Variants in CEP112 observed in about 807,000 individuals in gnomAD.
CEP112 encodes centrosomal protein of 112 kDa.
CEP112 carries 127 observed loss-of-function variants against 153.0 expected under a neutral mutation model. The observed-to-expected ratio is 0.83, with a 90% CI of 0.72 to 0.96. The LOEUF (loss-of-function observed/expected upper bound fraction) is 0.96, where lower values mean the gene tolerates loss of function less well. Among genes scored for constraint, CEP112 ranks in the 40% least tolerant of loss-of-function variants. CEP112 has a pLI of 0.00. For synonymous variants in CEP112, 358 were observed against 374.4 expected (o/e 0.96, Z 0.51); for missense variants, 1,089 against 1,101.2 (o/e 0.99, Z 0.16).
At chr17:65,971,307 G>T (rs2062781654) in intron 17 of CEP112, among the ~76,000 whole-genome samples, 1 of 149,608 alleles carries the variant, frequency 6.7e-6, no homozygotes, top group Non-Finnish European at 1.5e-5. Context: ...CACGTTACAT[G>T]TGTTTTACAA....
At chr17:66,147,424 T>C (rs2070966599) in intron 4 of CEP112, among the ~76,000 whole-genome samples, 1 of 152,194 alleles carries the variant, frequency 6.6e-6, no homozygotes, top group African/African-American at 2.4e-5. Context: ...TTTGCAAATA[T>C]ATTCTTCCAT....
intron 16 of CEP112, among the ~76,000 whole-genome samples, chr17:66,014,498 G>A (rs563974421): frequency 1.1e-3 from 175 of 152,248 alleles, no homozygotes; most frequent in African/African-American, 3.2e-3. Flanking sequence ...GGGCATCCCC[G>A]GCCATGCCCC....
At chr17:65,816,335 T>C (rs2056261874) in intron 21 of CEP112, among the ~76,000 whole-genome samples, 1 of 151,960 alleles carries the variant, frequency 6.6e-6, no homozygotes, top group South Asian at 2.1e-4. Flanking sequence ...TGGTGTTTGG[T>C]TACATGAATA....
chr17:65,682,199 G>C (rs2047567175), intron 24 of CEP112, among the ~76,000 whole-genome samples: 1 of 150,728 alleles, frequency 6.6e-6, no homozygotes, highest in South Asian at 2.1e-4. Context: ...TCAACATCTT[G>C]GTCAGGCTGG....
At chr17:66,155,693 T>A (rs981050938) in intron 4 of CEP112, among the ~76,000 whole-genome samples, 7 of 152,164 alleles carry the variant, frequency 4.6e-5, no homozygotes, top group Non-Finnish European at 4.4e-5. Context: ...CGACCTGGGA[T>A]GCTTGAGCTT....
chr17:65,715,654 T>C (rs2049463591), intron 23 of CEP112, among the ~76,000 whole-genome samples: 1 of 152,110 alleles, frequency 6.6e-6, no homozygotes, highest in Admixed American at 6.5e-5. Context: ...GGTTTCACCA[T>C]GTTAGCCAGG....
At chr17:65,910,168 G>A (rs1373929628) in intron 19 of CEP112, among the ~76,000 whole-genome samples, 2 of 152,164 alleles carry the variant, frequency 1.3e-5, no homozygotes, top group Non-Finnish European at 2.9e-5. Flanking sequence ...TTCTCTGACA[G>A]AAGTTGTTCA....
intron 12 of CEP112, among the ~76,000 whole-genome samples, chr17:66,032,565 A>G (rs903510923): frequency 2.0e-5 from 3 of 152,166 alleles, no homozygotes; most frequent in African/African-American, 7.2e-5. Flanking sequence ...CCTTGAGTCA[A>G]TTCAGTCCCT....
intron 23 of CEP112, among the ~76,000 whole-genome samples, chr17:65,702,594 T>C (rs1274229927): frequency 6.6e-6 from 1 of 152,186 alleles, no homozygotes; most frequent in Admixed American, 6.5e-5. Flanking sequence ...ATTTTATTAT[T>C]GTTGGTAGTC....
At chr17:65,713,778 C>T (rs925449728) in intron 23 of CEP112, among the ~76,000 whole-genome samples, 10 of 151,904 alleles carry the variant, frequency 6.6e-5, no homozygotes, top group South Asian at 4.2e-4. Context: ...TTAGTAGAGA[C>T]GGGGTTTCAC....
intron 9 of CEP112, among the ~76,000 whole-genome samples, chr17:66,067,532 A>AT (rs1223019881): frequency 2.0e-5 from 3 of 152,196 alleles, no homozygotes; most frequent in African/African-American, 7.2e-5. Flanking sequence ...GTAGGTATAC[A>AT]TTAATAGAAA....
intron 12 of CEP112, among the ~76,000 whole-genome samples, chr17:66,040,552 A>C (rs1446951088): frequency 7.1e-6 from 1 of 140,508 alleles, no homozygotes; most frequent in Non-Finnish European, 1.5e-5. Context: ...GCTAGAGTGC[A>C]GTGGTGCAAT....
intron 21 of CEP112, among the ~76,000 whole-genome samples, chr17:65,787,324 T>A (rs988466986): frequency 1.5e-4 from 23 of 152,158 alleles, no homozygotes; most frequent in Non-Finnish European, 2.5e-4. Context: ...CTACAAAAAA[T>A]TTTAAAAATT....
Position 65,699,461 on chromosome 17 carries a change from T to C in CEP112, c.2608-10243A>G, listed in dbSNP as rs559814183. 4.5e-4 allele frequency among the ~76,000 whole-genome samples: 68 copies of C among 152,348 alleles called. 2 individuals are homozygous for C. The South Asian group carries it at 0.014, about 31-fold the overall frequency. On this transcript the variant is annotated intron_variant, in intron 23 of 26. Transcript: ENST00000535342. ...GAGTGTCAGAAGTGGCCTCCCTTCTTGTTTTTTAATAATAACACATCTATC... is the reference window on the plus strand; with the variant it reads ...GAGTGTCAGAAGTGGCCTCCCTTCTCGTTTTTTAATAATAACACATCTATC...
intron 8 of CEP112, among the ~76,000 whole-genome samples, chr17:66,093,621 G>A (rs1192972613): frequency 6.7e-6 from 1 of 148,916 alleles, no homozygotes; most frequent in African/African-American, 2.5e-5. Context: ...ATTTGATCAA[G>A]GAGATTAAAG....
intron 17 of CEP112, among the ~76,000 whole-genome samples, chr17:65,975,601 T>C (rs2063004383): frequency 6.6e-6 from 1 of 152,202 alleles, no homozygotes; most frequent in African/African-American, 2.4e-5. Context: ...TAAGAAATCA[T>C]ACTGAAAATC....
chr17:65,976,741 T>TTC (rs1568328348), intron 17 of CEP112, among the ~76,000 whole-genome samples: 2 of 145,144 alleles, frequency 1.4e-5, no homozygotes, highest in East Asian at 2.0e-4. Flanking sequence ...TTTTCTTTTT[T>TTC]TTTTTTTTTT....
intron 21 of CEP112, among the ~76,000 whole-genome samples, chr17:65,751,291 T>C (rs2051832691): frequency 6.6e-6 from 1 of 152,180 alleles, no homozygotes; most frequent in Admixed American, 6.5e-5. Flanking sequence ...GGAAATAGGG[T>C]GGCCTTTCCA....
At chr17:65,858,912 C>T (rs977916619) in intron 20 of CEP112, among the ~76,000 whole-genome samples, 5 of 152,192 alleles carry the variant, frequency 3.3e-5, no homozygotes, top group Admixed American at 6.5e-5. Context: ...TCCACTCACC[C>T]GGACTGTCAT....
Sources: gnomAD v4.1 joint callset for allele counts (sites outside exome capture counted in the v4.1 genomes callset) on GRCh38, gnomAD v4.1.1 for gene constraint, MANE v1.5 for transcripts, NCBI Gene and HGNC (gene_info 2026-07-23, HGNC 2026-07-21) for gene names.